ZNF503: variants seen among roughly 807,000 people sequenced by gnomAD.
The protein encoded by ZNF503 is zinc finger protein 503, also known as NocA-like zinc finger 2.
A neutral mutation model predicts 34.4 loss-of-function variants in ZNF503; 15 were observed. The ratio of observed to expected loss-of-function variants is 0.44; its 90% CI spans 0.29 to 0.67. The LOEUF is 0.67. Among genes scored for constraint, ZNF503 ranks in the 30% least tolerant of loss-of-function variants. The probability of loss-of-function intolerance (pLI) is 0.13; values close to 1 mark genes in which losing one functional copy is unlikely to be tolerated. For missense variants in ZNF503, 1,007 were observed against 926.8 expected (o/e 1.09, Z -1.12); for synonymous variants, 580 against 456.8 (o/e 1.27, Z -3.44).
chr10:75,291,077 C>T, the ZNF503 span, among the ~76,000 whole-genome samples: 2 of 152,158 alleles, frequency 1.3e-5, no homozygotes, highest in Non-Finnish European at 2.9e-5. Context: ...TAACCATGTG[C>T]CAGCCTGTGC....
chr10:75,391,510 AT>A, the ZNF503 span, among the ~76,000 whole-genome samples: 1 of 152,208 alleles, frequency 6.6e-6, no homozygotes, highest in Admixed American at 6.5e-5. Flanking sequence ...CTGGGAGAAT[AT>A]CTATCTTCCA....
chr10:75,382,703 T>TCTGGAAAGCTGTCAAAATATGCTG, the ZNF503 span: 1 of 347,304 alleles, frequency 2.9e-6, no homozygotes. Flanking sequence ...CTCTCTTTTC[T>TCTGGAAAGCTGTCAAAATATGCTG]CTGGAAAGCT....
Position 75,401,245 on chromosome 10 carries a change from C to A in ZNF503, c.175G>T (p.Ala59Ser). 1 of 1,606,824 alleles carries A rather than the reference C, an allele frequency of 6.2e-7. No homozygotes were observed. The highest frequency in any genetic ancestry group is 8.5e-7 in the Non-Finnish European group (1 of 1,176,876). Reference sequence around the variant, plus strand: ...CGCAGGGGGTCAGAGGGGGGCACGGCGTGCACAAAAGGCTTGGTGCTGCCG... The same window carrying A: ...CGCAGGGGGTCAGAGGGGGGCACGGAGTGCACAAAAGGCTTGGTGCTGCCG... Reference protein sequence around the residue: ...PAGSTKPFVHAVPPSDPLRQA... With the variant: ...PAGSTKPFVHSVPPSDPLRQA... The change falls in exon 1 of 2, where the codon GCC becomes TCC. Residue 59 changes from alanine to serine, a missense_variant. By Grantham distance (99) the Ala-to-Ser change is moderately conservative (BLOSUM62 1). Coordinates refer to ENST00000372524, the MANE Select transcript of ZNF503 (RefSeq NM_032772.6).
the ZNF503 span, among the ~76,000 whole-genome samples, chr10:75,357,708 C>T: frequency 6.6e-6 from 1 of 152,006 alleles, no homozygotes; most frequent in Non-Finnish European, 1.5e-5. Flanking sequence ...CCCAAGAGCA[C>T]ACAGCTAAGA....
chr10:75,310,999 A>G, the ZNF503 span, among the ~76,000 whole-genome samples: 1 of 152,240 alleles, frequency 6.6e-6, no homozygotes, highest in Non-Finnish European at 1.5e-5. Context: ...TGTTTTAGCC[A>G]GGGTTCTCTA....
the ZNF503 span, among the ~76,000 whole-genome samples, chr10:75,313,094 T>G: frequency 2.0e-5 from 3 of 152,178 alleles, no homozygotes; most frequent in Non-Finnish European, 4.4e-5. Flanking sequence ...CTTTCCTTTA[T>G]AAATTACCCA....
chr10:75,367,036 G>A, the ZNF503 span, among the ~76,000 whole-genome samples: 158 of 152,288 alleles, frequency 1.0e-3, no homozygotes, highest in South Asian at 1.7e-3. Context: ...TTAGCTGGCT[G>A]CACCACTTTG....
the ZNF503 span, among the ~76,000 whole-genome samples, chr10:75,349,742 G>T: frequency 2.0e-5 from 3 of 152,242 alleles, no homozygotes; most frequent in Non-Finnish European, 4.4e-5. Context: ...TGGAGGCAGG[G>T]CCTCCACTCT....
At chr10:75,310,757 G>T in the ZNF503 span, among the ~76,000 whole-genome samples, 1 of 152,072 alleles carries the variant, frequency 6.6e-6, no homozygotes, top group Non-Finnish European at 1.5e-5. Flanking sequence ...TCATCTTCAG[G>T]TATCATGGAT....
At chr10:75,333,873 G>A in the ZNF503 span, among the ~76,000 whole-genome samples, 1 of 40,208 alleles carries the variant, frequency 2.5e-5, no homozygotes, top group Admixed American at 1.7e-4. Flanking sequence ...TCTCGGCCGG[G>A]CAGAGGCGCT....
the ZNF503 span, among the ~76,000 whole-genome samples, chr10:75,299,612 AC>A: frequency 6.6e-6 from 1 of 152,074 alleles, no homozygotes; most frequent in Non-Finnish European, 1.5e-5. Flanking sequence ...GGCAAAATTC[AC>A]CCCCAATATT....
the ZNF503 span, among the ~76,000 whole-genome samples, chr10:75,366,500 G>A: frequency 1.3e-4 from 20 of 152,336 alleles, 1 homozygote; most frequent in Admixed American, 4.6e-4. Context: ...TCCATCAGGC[G>A]TGGGGAACTT....
chr10:75,328,478 A>G, the ZNF503 span, among the ~76,000 whole-genome samples: 13 of 152,148 alleles, frequency 8.5e-5, no homozygotes, highest in South Asian at 2.1e-4. Flanking sequence ...TTATGCCAGT[A>G]CCATGCTGTT....
the ZNF503 span, among the ~76,000 whole-genome samples, chr10:75,357,133 C>A: frequency 6.6e-6 from 1 of 150,666 alleles, no homozygotes; most frequent in Non-Finnish European, 1.5e-5. Flanking sequence ...TTTTTAAGCA[C>A]AGGAGCATGG....
the ZNF503 span, among the ~76,000 whole-genome samples, chr10:75,312,696 A>G: frequency 2.0e-5 from 3 of 152,220 alleles, no homozygotes; most frequent in Admixed American, 2.0e-4. Flanking sequence ...TAAGTAAACT[A>G]CTGAAAACTA....
At chr10:75,381,576 G>T in the ZNF503 span, among the ~76,000 whole-genome samples, 1 of 152,002 alleles carries the variant, frequency 6.6e-6, no homozygotes, top group Non-Finnish European at 1.5e-5. Flanking sequence ...ATTCCTGTTG[G>T]CTGAGAGGGA....
chr10:75,335,031 G>A, the ZNF503 span, among the ~76,000 whole-genome samples: 1 of 152,194 alleles, frequency 6.6e-6, no homozygotes, highest in Admixed American at 6.5e-5. Flanking sequence ...AAAATTAAGA[G>A]TATGGACTTT....
At chr10:75,281,525 G>A in the ZNF503 span, among the ~76,000 whole-genome samples, 2 of 152,248 alleles carry the variant, frequency 1.3e-5, no homozygotes, top group South Asian at 4.1e-4. Context: ...ACTTCCTCAT[G>A]AGTACCACGA....
the ZNF503 span, among the ~76,000 whole-genome samples, chr10:75,300,404 G>A: frequency 2.2e-4 from 34 of 152,214 alleles, no homozygotes; most frequent in Non-Finnish European, 2.9e-4. Context: ...GTCCTGAGGC[G>A]ACATACATCC....
Sources: gnomAD v4.1 joint callset for allele counts (sites outside exome capture counted in the v4.1 genomes callset) on GRCh38, gnomAD v4.1.1 for gene constraint, MANE v1.5 for transcripts, NCBI Gene and HGNC (gene_info 2026-07-23, HGNC 2026-07-21) for gene names.